SMG5: variants seen among roughly 807,000 people sequenced by gnomAD.
SMG5 encodes the protein nonsense-mediated mRNA decay factor SMG5.
SMG5 carries 53 observed loss-of-function variants against 122.9 expected under a neutral mutation model. That is an observed-to-expected ratio of 0.43 (90% CI 0.35 to 0.54). The LOEUF (loss-of-function observed/expected upper bound fraction) is 0.54, where lower values mean the gene tolerates loss of function less well. SMG5 is among the 20% of genes least tolerant of loss of function. SMG5 has a pLI of 0.01. For synonymous variants in SMG5, 477 were observed against 490.2 expected (o/e 0.97, Z 0.35); for missense variants, 1,153 against 1,285.6 (o/e 0.90, Z 1.58).
chr1:156,252,250 C>A (rs1661385430), intron 19 of SMG5, among the ~76,000 whole-genome samples, 164 bp downstream of exon 19: 1 of 152,196 alleles, frequency 6.6e-6, no homozygotes, highest in South Asian at 2.1e-4. Flanking sequence ...ACCTTGACTT[C>A]TAATTATCTC....
chr1:156,261,732 A>G (rs1382931885), intron 13 of SMG5, among the ~76,000 whole-genome samples: 1 of 151,990 alleles, frequency 6.6e-6, no homozygotes, highest in East Asian at 1.9e-4. Context: ...TACTAAAAAT[A>G]CAAAAAAATT....
intron 4 of SMG5, among the ~76,000 whole-genome samples, chr1:156,276,546 G>T (rs1662694271): frequency 6.6e-6 from 1 of 152,178 alleles, no homozygotes; most frequent in South Asian, 2.1e-4. Context: ...GTGATGAAGG[G>T]GACAGAGAGA....
chr1:156,250,520 G>C lies in SMG5; in HGVS notation c.*67C>G, dbSNP rs1661299784. ...TGTGGTGGGGTGACTACAGGTGCTGGTCCTGGCTGCCAGGGAGGGCAGGAG... is the reference window on the plus strand; with the variant it reads ...TGTGGTGGGGTGACTACAGGTGCTGCTCCTGGCTGCCAGGGAGGGCAGGAG... On this transcript the variant is annotated 3_prime_UTR_variant, in exon 22 of 22. Transcript: ENST00000361813. 1 of 1,399,998 alleles carries C rather than the reference G, an allele frequency of 7.1e-7. No individual in the cohort carries two copies. Among genetic ancestry groups the C allele is most frequent in the South Asian group, 1.2e-5 (1 of 86,316 alleles). 86.7% of individuals were successfully genotyped at this position (1,399,998 alleles called of 1,614,324 possible).
intron 17 of SMG5, 150 bp from the exon 18 acceptor site, chr1:156,253,228 A>T (rs963352032): frequency 1.9e-6 from 2 of 1,031,370 alleles, no homozygotes; most frequent in Admixed American, 2.6e-5. Context: ...GGGGAAAAGT[A>T]AACAGAAATA....
intron 13 of SMG5, 25 bp from the exon 14 acceptor site, chr1:156,261,433 G>C: frequency 6.3e-7 from 1 of 1,597,646 alleles, no homozygotes; most frequent in Non-Finnish European, 8.6e-7. Flanking sequence ...GGGAGAGGAG[G>C]CCTTCAGCTA....
chr1:156,255,464 G>A (rs999649432), intron 16 of SMG5, among the ~76,000 whole-genome samples: 6 of 151,856 alleles, frequency 4.0e-5, no homozygotes, highest in Non-Finnish European at 8.8e-5. Flanking sequence ...GCTTGAACCC[G>A]GGAGGCAGAG....
upstream of SMG5, among the ~76,000 whole-genome samples, chr1:156,287,303 C>T (rs1036288062): frequency 6.6e-6 from 1 of 152,112 alleles, no homozygotes; most frequent in Non-Finnish European, 1.5e-5. Flanking sequence ...GTAATCCCAG[C>T]TATTCAGGAG....
intron 15 of SMG5, among the ~76,000 whole-genome samples, chr1:156,259,783 GCC>G (rs1405760556): frequency 6.6e-6 from 1 of 152,128 alleles, no homozygotes; most frequent in Non-Finnish European, 1.5e-5. Context: ...ACCTGCCTTG[GCC>G]CCCAACCAAG....
At chr1:156,261,442 TAG>T in intron 13 of SMG5, 34 bp from the exon 14 acceptor site, 1 of 1,577,068 alleles carries the variant, frequency 6.3e-7, no homozygotes, top group Non-Finnish European at 8.7e-7. Context: ...GGCCTTCAGC[TAG>T]AGACAGTGGT....
intron 12 of SMG5, among the ~76,000 whole-genome samples, chr1:156,264,267 CAA>C (rs1205363773): frequency 1.7e-4 from 9 of 53,978 alleles, no homozygotes; most frequent in African/African-American, 5.7e-4. Context: ...GACTCCGTCT[CAA>C]AAAAAAAAAA....
chr1:156,275,829 T>C (rs1454184890), intron 4 of SMG5, among the ~76,000 whole-genome samples: 2 of 151,926 alleles, frequency 1.3e-5, no homozygotes, highest in Non-Finnish European at 2.9e-5. Flanking sequence ...TTTTTTTTTT[T>C]TGGAGAGAAG....
At position 156,252,436 on chromosome 1, in the gene SMG5, C is replaced by A; in HGVS notation, c.2731G>T (p.Ala911Ser). 1.9e-6 allele frequency: 3 copies of A among 1,614,070 alleles called. No homozygotes were observed. Among genetic ancestry groups the A allele is most frequent in the Non-Finnish European group, 2.5e-6 (3 of 1,180,004 alleles). Reference protein sequence around the residue: ...GARDGIRYLEAEFKKGNRYIR... With the variant: ...GARDGIRYLESEFKKGNRYIR... ...CACCTGTTTCCTTTTTTAAACTCTG[C>A]CTCCAGGTACCGAATCCCATCCCGG... Residue 911 changes from alanine (A) to serine (S), a missense_variant, in exon 19 of 22, where the codon GCA (alanine) becomes TCA (serine). Ala to Ser is a moderately conservative substitution (Grantham distance 99). Coordinates refer to ENST00000361813, the MANE Select transcript of SMG5 (RefSeq NM_015327.3).
In SMG5 at chr1:156,256,402, C is replaced by T. The variant is rs143539821; in HGVS notation, c.2442+2603G>A. On this transcript the variant is annotated intron_variant, in intron 16 of 21. Transcript: ENST00000361813. ...AGATCTTGGCTCACTGCAGCCTCAA[C>T]CTAACAGCCATTTTCTCACAGGCCC... 4.6e-3 allele frequency among the ~76,000 whole-genome samples: 689 copies of T among 149,530 alleles called. 3 individuals are homozygous for T. Among genetic ancestry groups the T allele is most frequent in the Non-Finnish European group, 7.8e-3 (527 of 67,668 alleles).
chr1:156,288,340 C>CTT, the SMG5 span, among the ~76,000 whole-genome samples: 10 of 133,152 alleles, frequency 7.5e-5, no homozygotes, highest in African/African-American at 1.7e-4. Flanking sequence ...CTTTTTTTTT[C>CTT]TTTTTTTTTT....
chr1:156,287,662 T>C (rs927992667), upstream of SMG5, among the ~76,000 whole-genome samples: 26 of 145,684 alleles, frequency 1.8e-4, no homozygotes, highest in African/African-American at 6.3e-4. Flanking sequence ...TTGCCCAGGC[T>C]GGAGAGTACA....
At chr1:156,281,096 T>G (rs11264464) in intron 1 of SMG5, among the ~76,000 whole-genome samples, 36,624 of 152,062 alleles carry the variant, frequency 0.24, 4,915 homozygotes, top group Non-Finnish European at 0.29. Flanking sequence ...AATCAGACTT[T>G]CCTCCTAGTT....
chr1:156,254,219 C>T (rs1000195361), intron 16 of SMG5, among the ~76,000 whole-genome samples: 1 of 152,196 alleles, frequency 6.6e-6, no homozygotes, highest in Admixed American at 6.5e-5. Flanking sequence ...TAACAACCAC[C>T]GTACTGGTCT....
At chr1:156,290,151 G>A in the SMG5 span, 1 of 152,156 alleles carries the variant, frequency 6.6e-6, no homozygotes, top group Admixed American at 6.5e-5. Flanking sequence ...TATATTAAAT[G>A]GGGGAAAAAT....
upstream of SMG5, among the ~76,000 whole-genome samples, chr1:156,283,772 A>G (rs1663069058): frequency 6.6e-6 from 1 of 152,016 alleles, no homozygotes; most frequent in Non-Finnish European, 1.5e-5. Flanking sequence ...TTGGTCTTTC[A>G]CTTGCTGTTC....
Sources: gnomAD v4.1 joint callset for allele counts (sites outside exome capture counted in the v4.1 genomes callset) on GRCh38, gnomAD v4.1.1 for gene constraint, MANE v1.5 for transcripts, NCBI Gene and HGNC (gene_info 2026-07-23, HGNC 2026-07-21) for gene names.